Variants in KCNH5 observed in about 807,000 individuals in gnomAD.
The protein encoded by KCNH5 is potassium voltage-gated channel subfamily H member 5, also known as voltage-gated delayed rectifier potassium channel KCNH5.
KCNH5 carries 46 observed loss-of-function variants against 96.1 expected under a neutral mutation model. The observed-to-expected ratio is 0.48, with a 90% CI of 0.38 to 0.61. The LOEUF is 0.61. KCNH5 is among the 20% of genes least tolerant of loss of function. KCNH5 has a pLI of 0.00. For missense variants in KCNH5, 907 were observed against 1,225.8 expected (o/e 0.74, Z 3.88); for synonymous variants, 439 against 449.8 (o/e 0.98, Z 0.30).
At chr14:62,740,084 C>T (rs7142035) in intron 10 of KCNH5, among the ~76,000 whole-genome samples, 73,290 of 151,826 alleles carry the variant, frequency 0.48, 17,988 homozygotes, top group South Asian at 0.65. Context: ...CACATTTAAA[C>T]AGGTCAGGTC....
intron 7 of KCNH5, among the ~76,000 whole-genome samples, chr14:62,946,305 T>C (rs1039929876): frequency 2.6e-5 from 4 of 152,142 alleles, no homozygotes; most frequent in Non-Finnish European, 4.4e-5. Flanking sequence ...ATAGATTTTA[T>C]TTTCCTACAA....
chr14:62,988,509 G>A (rs1334045902), intron 4 of KCNH5, among the ~76,000 whole-genome samples: 8 of 152,042 alleles, frequency 5.3e-5, no homozygotes, highest in Non-Finnish European at 1.0e-4. Flanking sequence ...GCTTTGTATT[G>A]CCCCACCAAT....
chr14:63,014,779 A>C lies in KCNH5; in HGVS notation c.197+2052T>G, dbSNP rs865782101. Among the ~76,000 whole-genome samples, 3 of 152,228 alleles carry C rather than the reference A, an allele frequency of 2.0e-5. No homozygotes were observed. In the Middle Eastern group the frequency reaches 0.01, roughly 518 times the overall value. On this transcript the variant is annotated intron_variant, in intron 2 of 10. Transcript: ENST00000322893. Reference sequence around the variant, plus strand: ...AGGGAAAAACCTGTCTTGCTTAGGGAAGCATAAATACCTTCAGGTAGATGA... The same window carrying C: ...AGGGAAAAACCTGTCTTGCTTAGGGCAGCATAAATACCTTCAGGTAGATGA...
intron 7 of KCNH5, among the ~76,000 whole-genome samples, chr14:62,864,193 G>T (rs566850810): frequency 4.5e-4 from 69 of 152,168 alleles, no homozygotes; most frequent in Non-Finnish European, 9.0e-4. Flanking sequence ...TTTAAAAAGT[G>T]TATAAAGACT....
intron 7 of KCNH5, among the ~76,000 whole-genome samples, chr14:62,858,995 G>C (rs986906631): frequency 4.6e-5 from 7 of 152,286 alleles, no homozygotes; most frequent in African/African-American, 1.4e-4. Flanking sequence ...GCTGTAAAGT[G>C]AGTGCCTTGG....
chr14:62,767,866 C>T (rs1256418832), intron 10 of KCNH5, among the ~76,000 whole-genome samples: 1 of 152,098 alleles, frequency 6.6e-6, no homozygotes, highest in African/African-American at 2.4e-5. Context: ...AATGGAATAC[C>T]ATTCAGCCAT....
chr14:62,784,448 A>G (rs1190870497), intron 9 of KCNH5, among the ~76,000 whole-genome samples: 2 of 152,194 alleles, frequency 1.3e-5, no homozygotes, highest in Non-Finnish European at 2.9e-5. Flanking sequence ...ACTAAAAGAA[A>G]ATGCATTTAA....
chr14:62,723,748 G>A (rs1202870931), intron 10 of KCNH5, among the ~76,000 whole-genome samples: 2 of 152,218 alleles, frequency 1.3e-5, no homozygotes, highest in Admixed American at 6.5e-5. Flanking sequence ...AGCATCAGGT[G>A]TACAGAAAAA....
chr14:62,950,050 A>T, intron 7 of KCNH5, 83 bp downstream of exon 7: 1 of 1,155,996 alleles, frequency 8.7e-7, no homozygotes, highest in South Asian at 1.3e-5. Flanking sequence ...TAAACAAAGT[A>T]GTTCGTTTTC....
chr14:63,035,666 T>C (rs1375615151), intron 1 of KCNH5, among the ~76,000 whole-genome samples: 3 of 152,166 alleles, frequency 2.0e-5, no homozygotes, highest in East Asian at 3.9e-4. Context: ...GGTGTGTTGT[T>C]TGTTTGGGTT....
chr14:62,750,496 A>G (rs531566952), intron 10 of KCNH5, among the ~76,000 whole-genome samples: 1 of 152,292 alleles, frequency 6.6e-6, no homozygotes, highest in African/African-American at 2.4e-5. Context: ...GACAAGTCCA[A>G]CTGGCTCCTT....
intron 10 of KCNH5, among the ~76,000 whole-genome samples, chr14:62,777,870 T>C (rs1264177543): frequency 6.6e-6 from 1 of 152,034 alleles, no homozygotes; most frequent in African/African-American, 2.4e-5. Context: ...TGTGTGTGTG[T>C]GTGTGTGTGT....
At chr14:62,838,894 C>A (rs1255476163) in intron 8 of KCNH5, among the ~76,000 whole-genome samples, 3 of 152,044 alleles carry the variant, frequency 2.0e-5, no homozygotes, top group Non-Finnish European at 4.4e-5. Context: ...AAAATTAATA[C>A]CTAGTACTGA....
intron 7 of KCNH5, among the ~76,000 whole-genome samples, chr14:62,852,212 C>T (rs1341369458): frequency 6.6e-6 from 1 of 152,088 alleles, no homozygotes; most frequent in Non-Finnish European, 1.5e-5. Flanking sequence ...TCTTCCAGTT[C>T]TCATGCAATT....
intron 2 of KCNH5, among the ~76,000 whole-genome samples, chr14:63,008,970 T>C (rs1050138309): frequency 2.6e-5 from 4 of 152,094 alleles, no homozygotes; most frequent in African/African-American, 7.2e-5. Flanking sequence ...AGAATCTTAA[T>C]AAAGCAGAAA....
chr14:62,951,568 C>T (rs1890006357), intron 6 of KCNH5, among the ~76,000 whole-genome samples: 5 of 152,186 alleles, frequency 3.3e-5, no homozygotes, highest in Admixed American at 3.3e-4. Flanking sequence ...CTTACTCTGA[C>T]ATGAATTCTG....
chr14:62,848,589 A>T (rs1378130666), intron 8 of KCNH5, among the ~76,000 whole-genome samples: 1 of 152,172 alleles, frequency 6.6e-6, no homozygotes, highest in Admixed American at 6.5e-5. Flanking sequence ...CTATGCCTCC[A>T]CTCAACCTAT....
At chr14:62,710,098 G>A (rs1358475551) in intron 10 of KCNH5, among the ~76,000 whole-genome samples, 1 of 152,088 alleles carries the variant, frequency 6.6e-6, no homozygotes. Flanking sequence ...CAGCTGCCTG[G>A]AGTAACATAT....
intron 7 of KCNH5, among the ~76,000 whole-genome samples, chr14:62,890,959 A>C (rs925351205): frequency 1.3e-5 from 2 of 152,196 alleles, no homozygotes; most frequent in African/African-American, 4.8e-5. Flanking sequence ...TGTTGGAGGG[A>C]GTGTGAATTA....
Sources: gnomAD v4.1 joint callset for allele counts (sites outside exome capture counted in the v4.1 genomes callset) on GRCh38, gnomAD v4.1.1 for gene constraint, MANE v1.5 for transcripts, NCBI Gene and HGNC (gene_info 2026-07-23, HGNC 2026-07-21) for gene names.